HS6ST2: variants seen among roughly 807,000 people sequenced by gnomAD.
The protein encoded by HS6ST2 is heparan-sulfate 6-O-sulfotransferase 2.
A neutral mutation model predicts 33.0 loss-of-function variants in HS6ST2; 17 were observed. That is an observed-to-expected ratio of 0.52 (90% confidence interval 0.35 to 0.77). The LOEUF is 0.77. HS6ST2 is among the 30% of genes least tolerant of loss of function. HS6ST2 has a pLI of 0.01. For synonymous variants in HS6ST2, 248 were observed against 237.1 expected (o/e 1.05, Z -0.42); for missense variants, 519 against 551.7 (o/e 0.94, Z 0.59).
chrX:132,881,212 A>T (rs1234254615), intron 2 of HS6ST2, among the ~76,000 whole-genome samples: 2 of 110,857 alleles, frequency 1.8e-5, no homozygotes, highest in Non-Finnish European at 3.8e-5. Context: ...ACTGTCTTCC[A>T]CAATGGTTGA....
At position 132,890,529 on chromosome X, in the gene HS6ST2, T is replaced by C. The variant is rs5977776; in HGVS notation, c.947+66279A>G. ...ATGGCTATTATTGGGATCAGAGCTG[T>C]TTCCATGTTGAATCGTCAGAATGGT... On this transcript the variant is annotated intron_variant, in intron 2 of 4. Coordinates refer to ENST00000370833, the MANE Select transcript of HS6ST2 (RefSeq NM_001394073.1). 1.3e-3 allele frequency among the ~76,000 whole-genome samples: 146 copies of C among 109,505 alleles called. 1 individual carries two copies. Among genetic ancestry groups the C allele is most frequent in the African/African-American group, 4.6e-3 (138 of 30,118 alleles).
chrX:132,958,285 G>T lies in HS6ST2; in HGVS notation c.318C>A (p.Asp106Glu), dbSNP rs200829266. The T allele has an allele frequency of 6.0e-5, 71 of 1,191,174 alleles. No individual in the cohort carries two copies. The African/African-American group carries it at 1.1e-3, about 19-fold the overall frequency. The change falls in exon 1 of 5, where the codon GAC becomes GAA. Residue 106 changes from aspartate to glutamate, a missense_variant. Asp to Glu is a conservative substitution (Grantham distance 45, BLOSUM62 2). Coordinates refer to ENST00000370833, the MANE Select transcript of HS6ST2 (RefSeq NM_001394073.1). The stretch of plus-strand genomic sequence containing the variant: ...GCAGGGCCCGGCAGAGGGAGCCCAG[G>T]TCCCAGCGTCGCCTGAGGACGTGCA... ...RRMHVLRRRWDLGSLCRALLT... is the reference protein window; with the variant it reads ...RRMHVLRRRWELGSLCRALLT...
chrX:132,891,909 G>A (rs764154086), intron 2 of HS6ST2, among the ~76,000 whole-genome samples: 219 of 111,444 alleles, frequency 2.0e-3, no homozygotes, highest in African/African-American at 6.8e-3. Flanking sequence ...CCAGTAATGG[G>A]ATGGCTGGGT....
intron 4 of HS6ST2, among the ~76,000 whole-genome samples, chrX:132,631,650 T>C (rs949560925): frequency 5.4e-5 from 6 of 110,943 alleles, no homozygotes; most frequent in African/African-American, 1.6e-4. Flanking sequence ...CACATTTGGA[T>C]TAACCTTTCA....
At chrX:132,711,352 G>T (rs1001386865) in intron 2 of HS6ST2, among the ~76,000 whole-genome samples, 3 of 110,899 alleles carry the variant, frequency 2.7e-5, no homozygotes, top group Non-Finnish European at 5.7e-5. Context: ...TTTGTATGAA[G>T]GATCCAAATT....
At chrX:132,828,691 TATACAC>T (rs1434557575) in intron 2 of HS6ST2, among the ~76,000 whole-genome samples, 11 of 56,326 alleles carry the variant, frequency 2.0e-4, no homozygotes, top group Middle Eastern at 8.5e-3. Flanking sequence ...TATATATATA[TATACAC>T]ACACACACAC....
chrX:132,952,655 T>C (rs1472753611), intron 2 of HS6ST2, among the ~76,000 whole-genome samples: 1 of 111,380 alleles, frequency 9.0e-6, no homozygotes, highest in African/African-American at 3.3e-5. Context: ...AAAAAAAGCT[T>C]TTCTCCATCT....
At chrX:132,803,503 G>A (rs2065254894) in intron 2 of HS6ST2, among the ~76,000 whole-genome samples, 1 of 111,764 alleles carries the variant, frequency 8.9e-6, no homozygotes, top group African/African-American at 3.3e-5. Flanking sequence ...CCACCTCTCT[G>A]GTTCAAGCGA....
chrX:132,819,697 C>T (rs1304971342), intron 2 of HS6ST2, among the ~76,000 whole-genome samples: 1 of 111,972 alleles, frequency 8.9e-6, no homozygotes, highest in Non-Finnish European at 1.9e-5. Flanking sequence ...GAGAGAATTG[C>T]AGTTGTCATG....
intron 2 of HS6ST2, among the ~76,000 whole-genome samples, chrX:132,757,856 C>T (rs1197260329): frequency 8.9e-6 from 1 of 111,797 alleles, no homozygotes. Context: ...CATCTAACTG[C>T]AGCAAAATAC....
chrX:132,913,036 G>A (rs756309061), intron 2 of HS6ST2, among the ~76,000 whole-genome samples: 19 of 110,387 alleles, frequency 1.7e-4, no homozygotes, highest in African/African-American at 5.6e-4. Context: ...ATCCCCTTCC[G>A]AGTCCATAAA....
chrX:132,935,907 T>C (rs904552480), intron 2 of HS6ST2, among the ~76,000 whole-genome samples: 1 of 109,732 alleles, frequency 9.1e-6, no homozygotes, highest in Non-Finnish European at 1.9e-5. Context: ...TTGAAAATTT[T>C]CAAATCACTA....
At chrX:132,765,641 C>T (rs1193579701) in intron 2 of HS6ST2, among the ~76,000 whole-genome samples, 1 of 110,502 alleles carries the variant, frequency 9.0e-6, no homozygotes, top group African/African-American at 3.3e-5. Context: ...TGTAAAGACA[C>T]GGTCTCATAT....
rs1449219069 is a variant in HS6ST2 at position 132,930,211 on chromosome X, G to C, written c.947+26597C>G. ...GAGCCTTGCTCTGTCGTCCAGGCTA[G>C]AGTGCATTGGCATGATCTCGGCTCA... On this transcript the variant is annotated intron_variant, in intron 2 of 4. Coordinates refer to ENST00000370833, the MANE Select transcript of HS6ST2 (RefSeq NM_001394073.1). 2.7e-5 allele frequency among the ~76,000 whole-genome samples: 3 copies of C among 110,935 alleles called. No individual in the cohort carries two copies. In the East Asian group the frequency reaches 8.5e-4, roughly 31 times the overall value.
At chrX:132,890,509 T>C (rs914396792) in intron 2 of HS6ST2, among the ~76,000 whole-genome samples, 5 of 109,020 alleles carry the variant, frequency 4.6e-5, no homozygotes, top group African/African-American at 1.7e-4. Context: ...CTTCTATGGC[T>C]ATTATTGGGA....
intron 4 of HS6ST2, among the ~76,000 whole-genome samples, chrX:132,666,584 A>G (rs1254074886): frequency 9.0e-6 from 1 of 111,248 alleles, no homozygotes; most frequent in Non-Finnish European, 1.9e-5. Flanking sequence ...GGCAAGGATT[A>G]ATGAGACAAA....
At chrX:132,658,957 A>C (rs907418421) in intron 4 of HS6ST2, among the ~76,000 whole-genome samples, 4 of 111,343 alleles carry the variant, frequency 3.6e-5, no homozygotes, top group Admixed American at 1.9e-4. Flanking sequence ...TCAAGAAAGC[A>C]GTTTTCTCAG....
chrX:132,773,013 A>T (rs1468937415), intron 2 of HS6ST2, among the ~76,000 whole-genome samples: 1 of 90,288 alleles, frequency 1.1e-5, no homozygotes, highest in Non-Finnish European at 2.1e-5. Flanking sequence ...ATGTAAAGAT[A>T]TAAAAATAAT....
At chrX:132,874,167 G>A (rs773642451) in intron 2 of HS6ST2, among the ~76,000 whole-genome samples, 1 of 112,075 alleles carries the variant, frequency 8.9e-6, no homozygotes, top group Non-Finnish European at 1.9e-5. Context: ...GTGTACTTTA[G>A]ACAAACATGT....
Sources: gnomAD v4.1 joint callset for allele counts (sites outside exome capture counted in the v4.1 genomes callset) on GRCh38, gnomAD v4.1.1 for gene constraint, MANE v1.5 for transcripts, NCBI Gene and HGNC (gene_info 2026-07-23, HGNC 2026-07-21) for gene names.